CACNA1C: variants seen among roughly 807,000 people sequenced by gnomAD.
The protein encoded by CACNA1C is voltage-dependent L-type calcium channel subunit alpha-1C.
Under a neutral mutation model 229.0 loss-of-function variants are expected in CACNA1C, and 30 were observed. The ratio of observed to expected loss-of-function variants is 0.13; its 90% CI spans 0.10 to 0.18. CACNA1C has a LOEUF of 0.18. Among genes scored for constraint, CACNA1C ranks in the 10% least tolerant of loss-of-function variants. The pLI is 1.00. For synonymous variants in CACNA1C, 1,114 were observed against 1,132.5 expected (o/e 0.98, Z 0.33); for missense variants, 1,658 against 2,845.0 (o/e 0.58, Z 9.49).
Position 2,566,481 on chromosome 12 carries a change from C to G in CACNA1C, c.1568C>G (p.Ser523Cys). ...CRRKCRAAVKSNVFYWLVIFL... is the reference protein window; with the variant it reads ...CRRKCRAAVKCNVFYWLVIFL... ...AGGAAGTGCCGCGCCGCAGTCAAGT[C>G]TAATGTCTTCTACTGGCTGGTGATT... The change falls in exon 12 of 47, where the codon TCT (serine) becomes TGT (cysteine). Residue 523 changes from serine (S) to cysteine (C), a missense_variant. Transcript: ENST00000399655. The surrounding 1 kb of genome is among the most constrained non-coding windows in gnomAD (Gnocchi z 4.0). The G allele has an allele frequency of 6.3e-7, 1 of 1,595,636 alleles. No homozygotes were observed. Among genetic ancestry groups the G allele is most frequent in the Non-Finnish European group, 8.5e-7 (1 of 1,171,044 alleles).
chr12:1,984,552 C>T (rs759379261), intron 1 of CACNA1C, among the ~76,000 whole-genome samples: 4 of 151,868 alleles, frequency 2.6e-5, no homozygotes, highest in African/African-American at 4.8e-5. Context: ...GTATCACATC[C>T]GTATACACTG....
intron 18 of CACNA1C, among the ~76,000 whole-genome samples, chr12:2,587,774 G>A (rs543616741): frequency 1.3e-5 from 2 of 152,076 alleles, no homozygotes; most frequent in East Asian, 1.9e-4. Context: ...TTGAGTGTAC[G>A]GCCCGCTCCC....
chr12:2,688,373 T>G lies in CACNA1C; in HGVS notation c.5785-74T>G, dbSNP rs1367663106. On this transcript the variant is annotated intron_variant, in intron 45 of 46. Coordinates refer to ENST00000399655, the MANE Select transcript of CACNA1C (RefSeq NM_000719.7). ...GGACACAGCAGCTGCAAAGCAGTGC[T>G]TGCTCAGAAGCAGGGGCCTGCCTTG... The G allele has an allele frequency of 2.9e-6, 4 of 1,403,048 alleles. No homozygotes were observed. The African/African-American group carries it at 5.6e-5, about 20-fold the overall frequency. The allele number at this position is 1,403,048 out of a possible 1,614,324, so 86.9% of individuals were successfully genotyped here.
intron 22 of CACNA1C, among the ~76,000 whole-genome samples, chr12:2,604,845 T>C (rs868552591): frequency 6.6e-6 from 1 of 152,232 alleles, no homozygotes. Flanking sequence ...TGAGCCACCT[T>C]GCATATTATT....
Position 2,097,353 on chromosome 12 carries a change from A to C in CACNA1C, c.50-17871A>C, listed in dbSNP as rs180746436. Among the ~76,000 whole-genome samples, 29 of 151,824 alleles carry C rather than the reference A, an allele frequency of 1.9e-4. 1 individual carries two copies. The highest frequency in any genetic ancestry group is 3.6e-4 in the African/African-American group (15 of 41,310). ...AGTAGAGACGGGGTTTCACCATGTT[A>C]GCCAGGATAGTCTCGATCTCCTGAC... On this transcript the variant is annotated intron_variant, in intron 1 of 46. Transcript: ENST00000399655.
rs546816728 is a variant in CACNA1C at position 2,242,110 on chromosome 12, C to G, written c.477+121680C>G. Among the ~76,000 whole-genome samples the G allele has an allele frequency of 1.6e-4, 24 of 152,362 alleles. No homozygotes were observed. In the South Asian group the frequency reaches 4.8e-3, roughly 30 times the overall value. ...TCCCAGTCAGGCCGCATCCTCCGAC[C>G]TGGCCTCCCACCTCCACGCTCAGTT... On this transcript the variant is annotated intron_variant, in intron 3 of 46. Coordinates refer to ENST00000399655, the MANE Select transcript of CACNA1C (RefSeq NM_000719.7).
At chr12:2,342,101 T>C (rs2096882082) in intron 3 of CACNA1C, among the ~76,000 whole-genome samples, 1 of 152,202 alleles carries the variant, frequency 6.6e-6, no homozygotes, top group Non-Finnish European at 1.5e-5. Context: ...GGATGACTCA[T>C]GAAGTATTAA....
chr12:2,225,407 C>A (rs972604111), intron 3 of CACNA1C, among the ~76,000 whole-genome samples: 1 of 152,138 alleles, frequency 6.6e-6, no homozygotes. Context: ...AGCACCAATA[C>A]GCAAAGAAAT....
intron 3 of CACNA1C, among the ~76,000 whole-genome samples, chr12:2,350,502 T>A (rs979391966): frequency 6.6e-6 from 1 of 152,182 alleles, no homozygotes; most frequent in Non-Finnish European, 1.5e-5. Context: ...TCTAAGCCTT[T>A]TAAGTAGCAG....
rs370598880 is a variant in CACNA1C at position 2,510,006 on chromosome 12, A to G, written c.1218-2806A>G. On this transcript the variant is annotated intron_variant, in intron 8 of 46. Coordinates refer to ENST00000399655, the MANE Select transcript of CACNA1C (RefSeq NM_000719.7). ...CAAAGGGCCTAGCACACCTCAGGCT[A>G]TTGGTTGGATTCCACACACACCGCC... Among the ~76,000 whole-genome samples the G allele has an allele frequency of 4.0e-3, 614 of 152,304 alleles. 7 individuals are homozygous for G. Among genetic ancestry groups the G allele is most frequent in the African/African-American group, 0.014 (584 of 41,568 alleles).
intron 1 of CACNA1C, among the ~76,000 whole-genome samples, chr12:2,080,605 A>AAAAAAAC (rs61515659): frequency 0.77 from 113,847 of 147,554 alleles, 44,378 homozygotes; most frequent in Middle Eastern, 0.84. Flanking sequence ...TGTCTCAAAA[A>AAAAAAAC]AAAAAACAAA....
chr12:2,432,239 G>A (rs1416070476), intron 3 of CACNA1C, among the ~76,000 whole-genome samples: 1 of 152,220 alleles, frequency 6.6e-6, no homozygotes, highest in Non-Finnish European at 1.5e-5. Context: ...GGAGAGGCGA[G>A]TTAGCCCTTT....
At chr12:2,674,139 G>GC (rs1024100347) in intron 38 of CACNA1C, among the ~76,000 whole-genome samples, 8 of 152,260 alleles carry the variant, frequency 5.3e-5, no homozygotes, top group African/African-American at 1.7e-4. Flanking sequence ...ATGGGGACCA[G>GC]CCCCCCACTG....
At chr12:2,230,665 G>A (rs1190340789) in intron 3 of CACNA1C, among the ~76,000 whole-genome samples, 2 of 152,232 alleles carry the variant, frequency 1.3e-5, no homozygotes, top group African/African-American at 4.8e-5. Context: ...GGAGAAAAGA[G>A]GCTAGAATCT....
intron 1 of CACNA1C, among the ~76,000 whole-genome samples, chr12:1,979,513 T>C (rs1489314745): frequency 6.6e-6 from 1 of 152,092 alleles, no homozygotes; most frequent in Non-Finnish European, 1.5e-5. Context: ...GGTTTCACCA[T>C]GTTGGCCAGG....
chr12:2,470,519 G>A (rs192391790), intron 5 of CACNA1C, among the ~76,000 whole-genome samples: 31 of 152,102 alleles, frequency 2.0e-4, no homozygotes, highest in Non-Finnish European at 2.9e-4. Context: ...TGATTCTCTC[G>A]TGCTGATTCA....
In CACNA1C at chr12:2,232,227, GTTTTTTTTTTT is replaced by G. The variant is rs1169407536; in HGVS notation, c.477+111812_477+111822del. 7.0e-3 allele frequency among the ~76,000 whole-genome samples: 518 copies of G among 73,596 alleles called. 3 individuals are homozygous for G. Among genetic ancestry groups the G allele is most frequent in the African/African-American group, 0.024 (480 of 20,134 alleles). The allele number at this position is 73,596 out of a possible 152,430, so 48.3% of individuals were successfully genotyped here. A position where few individuals can be genotyped will look rare whatever the true frequency, so the allele number is the denominator to read the frequency against. On this transcript the variant is annotated intron_variant, in intron 3 of 46. Coordinates refer to ENST00000399655, the MANE Select transcript of CACNA1C (RefSeq NM_000719.7). The stretch of plus-strand genomic sequence containing the variant: ...TGGTGGTAGTTCTCAGTCTTTCCTT[GTTTTTTTTTTT>G]TTTTTTTTTTTTTTGTTTGTTTGTT...
chr12:2,053,646 C>A lies in CACNA1C; in HGVS notation c.49+35C>A. On this transcript the variant is annotated intron_variant, in intron 1 of 46. Transcript: ENST00000399655. The surrounding 1 kb of genome is among the most constrained non-coding windows in gnomAD (Gnocchi z 5.8). ...GACCCCGCCGCCTCGCCGGGGCTCC[C>A]TGCCTTTTCCACCGGGTTCCTGCCC... 7 of 1,546,384 alleles carry A rather than the reference C, an allele frequency of 4.5e-6. No individual in the cohort carries two copies. The highest frequency in any genetic ancestry group is 6.1e-6 in the Non-Finnish European group (7 of 1,146,390).
At chr12:2,062,986 A>G (rs138077658) in intron 1 of CACNA1C, among the ~76,000 whole-genome samples, 1 of 152,216 alleles carries the variant, frequency 6.6e-6, no homozygotes, top group African/African-American at 2.4e-5. Context: ...TTTGATGTGT[A>G]TGATTCAGTG....
Sources: allele counts gnomAD v4.1 joint callset (sites outside exome capture counted in the v4.1 genomes callset), GRCh38; gene constraint gnomAD v4.1.1; non-coding constraint Gnocchi (gnomAD v3.1); transcripts MANE v1.5; gene names NCBI Gene and HGNC (gene_info 2026-07-23, HGNC 2026-07-21).